Variants in COBLL1 observed in about 807,000 individuals in gnomAD.
COBLL1 encodes cordon-bleu WH2 repeat protein like 1, also known as cordon-bleu protein-like 1.
A neutral mutation model predicts 94.8 loss-of-function variants in COBLL1; 50 were observed. That is an observed-to-expected ratio of 0.53 (90% CI 0.42 to 0.67). The LOEUF is 0.67. Ranked by LOEUF, COBLL1 falls within the 30% of genes least tolerant of loss-of-function variation. The probability of loss-of-function intolerance (pLI) is 0.00; values close to 1 mark genes in which losing one functional copy is unlikely to be tolerated. For synonymous variants in COBLL1, 448 were observed against 473.8 expected, an observed-to-expected ratio of 0.95 and a Z score of 0.71; for missense variants, 1,362 against 1,348.7, an observed-to-expected ratio of 1.01 and a Z score of -0.15.
chr2:164,740,318 TTA>T (rs1686524275), intron 3 of COBLL1, among the ~76,000 whole-genome samples: 1 of 151,954 alleles, frequency 6.6e-6, no homozygotes, highest in Admixed American at 6.6e-5. Flanking sequence ...AGTCCAGCTC[TTA>T]CCACTGCACT....
chr2:164,724,705 T>G (rs772125169), intron 5 of COBLL1: 28 of 152,114 alleles, frequency 1.8e-4, no homozygotes, highest in Non-Finnish European at 2.9e-4. Flanking sequence ...AACTAATAGA[T>G]AAATATATAG....
chr2:164,782,663 T>C (rs1170579590), intron 2 of COBLL1, among the ~76,000 whole-genome samples: 3 of 152,286 alleles, frequency 2.0e-5, no homozygotes, highest in African/African-American at 7.2e-5. Context: ...ATGATTAAAA[T>C]GGTAAATTCT....
chr2:164,662,871 G>C (rs915711516), intron 2 of COBLL1, among the ~76,000 whole-genome samples: 1 of 152,128 alleles, frequency 6.6e-6, no homozygotes, highest in Non-Finnish European at 1.5e-5. Context: ...CAGAAGTTAA[G>C]CAGATGCTGG....
chr2:164,700,518 T>G lies in COBLL1; in HGVS notation c.1460+4A>C. 2 of 1,583,376 alleles carry G rather than the reference T, an allele frequency of 1.3e-6. No individual in the cohort carries two copies. The highest frequency in any genetic ancestry group is 1.7e-6 in the Non-Finnish European group (2 of 1,152,596). The stretch of plus-strand genomic sequence containing the variant: ...ACCAACACTCCAGCACAGAGACTAC[T>G]TACTGTCCATCTGTGCTTTTAGTTT... On this transcript the variant is annotated splice_donor_region_variant and intron_variant, in intron 10 of 13. Transcript: ENST00000652658.
intron 2 of COBLL1, among the ~76,000 whole-genome samples, chr2:164,744,675 C>T (rs1020298556): frequency 3.3e-5 from 5 of 152,058 alleles, no homozygotes; most frequent in African/African-American, 4.8e-5. Context: ...GCAAGAAAGC[C>T]GCATGGTATG....
In COBLL1 at chr2:164,756,710, A is replaced by C. The variant is rs370291009; in HGVS notation, c.42-12835T>G. ...TAGCTCACTAAATACATACAGTGTA[A>C]TCTTCCAGTGACAACATTAATGCAT... On this transcript the variant is annotated intron_variant, in intron 2 of 13. Transcript: ENST00000652658. 3.5e-4 allele frequency among the ~76,000 whole-genome samples: 53 copies of C among 152,280 alleles called. No homozygotes were observed. In the Middle Eastern group the frequency reaches 0.01, roughly 29 times the overall value.
intron 2 of COBLL1, among the ~76,000 whole-genome samples, chr2:164,798,608 G>T (rs887481797): frequency 6.6e-6 from 1 of 152,172 alleles, no homozygotes; most frequent in East Asian, 1.9e-4. Context: ...GAAGAATGCT[G>T]CAAGATCTCA....
intron 2 of COBLL1, among the ~76,000 whole-genome samples, chr2:164,788,064 TG>T (rs1383977202): frequency 2.0e-5 from 3 of 152,166 alleles, no homozygotes; most frequent in Non-Finnish European, 2.9e-5. Flanking sequence ...GGTGACTAGA[TG>T]GGATTGATTC....
chr2:164,734,277 T>G (rs763315356), intron 3 of COBLL1, among the ~76,000 whole-genome samples: 1 of 150,202 alleles, frequency 6.7e-6, no homozygotes, highest in Non-Finnish European at 1.5e-5. Flanking sequence ...GACACCAGAA[T>G]TGAGACCTTG....
intron 2 of COBLL1, among the ~76,000 whole-genome samples, chr2:164,825,320 ATATT>A (rs576384342): frequency 2.3e-4 from 35 of 152,326 alleles, no homozygotes; most frequent in Middle Eastern, 3.4e-3. Flanking sequence ...CTTGTGAAAC[ATATT>A]TATTATAAGG....
At chr2:164,797,118 TG>T (rs1485793423) in intron 2 of COBLL1, among the ~76,000 whole-genome samples, 1 of 152,108 alleles carries the variant, frequency 6.6e-6, no homozygotes, top group African/African-American at 2.4e-5. Flanking sequence ...AGAAGGAAAA[TG>T]AAGTATTATT....
intron 2 of COBLL1, among the ~76,000 whole-genome samples, chr2:164,763,310 A>C (rs1299331342): frequency 6.6e-6 from 1 of 152,132 alleles, no homozygotes; most frequent in Non-Finnish European, 1.5e-5. Context: ...GTTTGAGAAA[A>C]AAATGTAAAA....
intron 2 of COBLL1, among the ~76,000 whole-genome samples, chr2:164,665,208 G>A (rs920740105): frequency 6.6e-6 from 1 of 151,934 alleles, no homozygotes; most frequent in Non-Finnish European, 1.5e-5. Context: ...GCGGGCGCCT[G>A]TAATTCCAGC....
chr2:164,774,476 G>C (rs546707792), intron 2 of COBLL1, among the ~76,000 whole-genome samples: 2 of 152,134 alleles, frequency 1.3e-5, no homozygotes, highest in Admixed American at 1.3e-4. Context: ...CAACAATTCC[G>C]ATTTTTCCAG....
At chr2:164,710,400 G>A in intron 7 of COBLL1, among the ~76,000 whole-genome samples, 1 of 152,152 alleles carries the variant, frequency 6.6e-6, no homozygotes, top group South Asian at 2.1e-4. Context: ...CAAGACTGGA[G>A]AGGCTCCAAA....
At chr2:164,836,716 G>T (rs1159706069) in intron 2 of COBLL1, among the ~76,000 whole-genome samples, 8 of 152,184 alleles carry the variant, frequency 5.3e-5, no homozygotes, top group Admixed American at 5.2e-4. Context: ...TTACAATCTT[G>T]AGTTCCCTAT....
chr2:164,704,563 T>C (rs765207934), intron 8 of COBLL1, 45 bp from the exon 9 acceptor site: 20 of 1,437,870 alleles, frequency 1.4e-5, no homozygotes, highest in Non-Finnish European at 1.8e-5. Context: ...TATTCACAAA[T>C]AAAACAATTC....
intron 1 of COBLL1, among the ~76,000 whole-genome samples, chr2:164,672,695 G>A (rs1326407217): frequency 9.3e-6 from 1 of 107,252 alleles, no homozygotes; most frequent in Non-Finnish European, 1.7e-5. Flanking sequence ...GACAGAGCGA[G>A]ACTCCGTCTC....
intron 11 of COBLL1, chr2:164,697,330 A>G (rs1684008442): frequency 6.6e-6 from 1 of 152,118 alleles, no homozygotes. Context: ...TCAATGACCA[A>G]TTATTATTAA....
Sources: allele counts gnomAD v4.1 joint callset (sites outside exome capture counted in the v4.1 genomes callset), GRCh38; gene constraint gnomAD v4.1.1; transcripts MANE v1.5; gene names NCBI Gene and HGNC (gene_info 2026-07-23, HGNC 2026-07-21).